DENND5B: variants seen among roughly 807,000 people sequenced by gnomAD.
The protein encoded by DENND5B is DENN domain-containing protein 5B.
DENND5B carries 34 observed loss-of-function variants against 140.6 expected under a neutral mutation model. That is an observed-to-expected ratio of 0.24 (90% CI 0.18 to 0.32). The LOEUF (loss-of-function observed/expected upper bound fraction) is 0.32. Ranked by LOEUF, DENND5B falls within the 10% of genes least tolerant of loss-of-function variation. The pLI is 1.00. For synonymous variants in DENND5B, 551 were observed against 562.1 expected, an observed-to-expected ratio of 0.98 and a Z score of 0.28; for missense variants, 1,142 against 1,560.2, an observed-to-expected ratio of 0.73 and a Z score of 4.52.
chr12:31,443,344 G>GGATT (rs1396236134), intron 6 of DENND5B, among the ~76,000 whole-genome samples: 1 of 152,070 alleles, frequency 6.6e-6, no homozygotes, highest in Non-Finnish European at 1.5e-5. Context: ...CAAAGTGCTG[G>GGATT]GATTATAAGC....
chr12:31,536,079 C>T (rs778728412), intron 1 of DENND5B, among the ~76,000 whole-genome samples: 5 of 152,116 alleles, frequency 3.3e-5, no homozygotes, highest in Non-Finnish European at 5.9e-5. Context: ...TCATGTGAGA[C>T]GTCTTGCTCC....
intron 1 of DENND5B, among the ~76,000 whole-genome samples, chr12:31,560,182 T>C (rs1565696589): frequency 6.6e-6 from 1 of 152,150 alleles, no homozygotes; most frequent in Non-Finnish European, 1.5e-5. Flanking sequence ...CAGAATATCT[T>C]ACAGGTGTCT....
At chr12:31,389,532 G>A in intron 19 of DENND5B, 34 bp from the exon 20 acceptor site, 1 of 1,537,274 alleles carries the variant, frequency 6.5e-7, no homozygotes, top group African/African-American at 1.4e-5. Flanking sequence ...GTCACAATAT[G>A]TGTCAACACT....
chr12:31,474,571 C>T (rs1056513335), intron 3 of DENND5B, among the ~76,000 whole-genome samples: 2 of 152,196 alleles, frequency 1.3e-5, no homozygotes, highest in African/African-American at 2.4e-5. Context: ...AATTTCAAAT[C>T]AGTCTAGAAG....
intron 1 of DENND5B, among the ~76,000 whole-genome samples, chr12:31,521,188 G>A (rs562544432): frequency 3.5e-4 from 53 of 151,114 alleles, no homozygotes; most frequent in Middle Eastern, 3.4e-3. Context: ...TAAAATAGGC[G>A]TCAAAAACAA....
intron 1 of DENND5B, among the ~76,000 whole-genome samples, chr12:31,557,814 C>CAAAAAAAAAAAAAAAAAAAAAAAAA (rs71445804): frequency 1.2e-5 from 1 of 80,978 alleles, no homozygotes; most frequent in Non-Finnish European, 2.4e-5. Context: ...GCTGTGGTGG[C>CAAAAAAAAAAAAAAAAAAAAAAAAA]AAAAAAAAAA....
At chr12:31,579,447 A>G (rs1319823691) in intron 1 of DENND5B, among the ~76,000 whole-genome samples, 3 of 152,006 alleles carry the variant, frequency 2.0e-5, no homozygotes, top group Non-Finnish European at 4.4e-5. Flanking sequence ...GATCACCTGA[A>G]GCCAGGAGTT....
At chr12:31,440,354 C>A (rs1438107272) in intron 7 of DENND5B, among the ~76,000 whole-genome samples, 2 of 152,094 alleles carry the variant, frequency 1.3e-5, no homozygotes, top group Non-Finnish European at 2.9e-5. Flanking sequence ...CATCTTAGCA[C>A]ATTTTTTAAG....
At position 31,387,872 on chromosome 12, in the gene DENND5B, G is replaced by A. The variant is rs577440268; in HGVS notation, c.3642-86C>T. Reference sequence around the variant, plus strand: ...ACAGTGGAGTCTGTATGAATGGGAAGGTGTGGGACTTGATGGTACAAAATG... The same window carrying A: ...ACAGTGGAGTCTGTATGAATGGGAAAGTGTGGGACTTGATGGTACAAAATG... On this transcript the variant is annotated intron_variant, in intron 20 of 20. Transcript: ENST00000389082. The A allele has an allele frequency of 6.5e-5, 89 of 1,374,490 alleles. No homozygotes were observed. In the East Asian group the frequency reaches 1.4e-3, roughly 21 times the overall value. The allele number at this position is 1,374,490 out of a possible 1,614,324, so 85.1% of individuals were successfully genotyped here.
intron 1 of DENND5B, among the ~76,000 whole-genome samples, chr12:31,545,867 G>A (rs1212389631): frequency 7.1e-6 from 1 of 141,508 alleles, no homozygotes; most frequent in African/African-American, 2.6e-5. Flanking sequence ...GCTGAGGTGG[G>A]AGGATCACTC....
intron 1 of DENND5B, among the ~76,000 whole-genome samples, chr12:31,502,112 C>A (rs531174036): frequency 6.6e-6 from 1 of 151,858 alleles, no homozygotes; most frequent in Non-Finnish European, 1.5e-5. Flanking sequence ...GTCAGGAGTT[C>A]GAGACCAGCC....
intron 1 of DENND5B, among the ~76,000 whole-genome samples, chr12:31,556,102 C>T (rs573291082): frequency 3.7e-4 from 57 of 152,354 alleles, no homozygotes; most frequent in South Asian, 3.1e-3. Context: ...GAGATGAACC[C>T]GGTACCTCAG....
intron 1 of DENND5B, among the ~76,000 whole-genome samples, chr12:31,563,796 T>C (rs1261453013): frequency 1.3e-5 from 2 of 152,234 alleles, no homozygotes; most frequent in African/African-American, 2.4e-5. Context: ...TTTAATCATA[T>C]GCTCTCTAAA....
intron 3 of DENND5B, among the ~76,000 whole-genome samples, chr12:31,466,263 G>A (rs937222751): frequency 1.3e-5 from 2 of 151,936 alleles, no homozygotes; most frequent in African/African-American, 4.8e-5. Flanking sequence ...TGAAGTAGGA[G>A]AACCACTTGA....
intron 1 of DENND5B, among the ~76,000 whole-genome samples, chr12:31,504,858 A>G (rs1947132810): frequency 1.3e-5 from 2 of 152,224 alleles, no homozygotes; most frequent in Non-Finnish European, 2.9e-5. Flanking sequence ...GGGTCAAGGC[A>G]CACAATCTAT....
At chr12:31,502,337 AAC>A (rs1947042314) in intron 1 of DENND5B, among the ~76,000 whole-genome samples, 1 of 151,876 alleles carries the variant, frequency 6.6e-6, no homozygotes, top group African/African-American at 2.4e-5. Flanking sequence ...AAACAAAAAA[AAC>A]ATTATATTCA....
chr12:31,500,721 CA>C (rs1483218010), intron 1 of DENND5B: 2 of 165,980 alleles, frequency 1.2e-5, no homozygotes, highest in Non-Finnish European at 2.6e-5. Context: ...CCAACCACTG[CA>C]TATTGATTAG....
intron 1 of DENND5B, among the ~76,000 whole-genome samples, chr12:31,548,811 T>C (rs1948944542): frequency 6.6e-6 from 1 of 152,198 alleles, no homozygotes; most frequent in African/African-American, 2.4e-5. Flanking sequence ...ACAGTCCCCA[T>C]ATGCAGAGAA....
intron 1 of DENND5B, among the ~76,000 whole-genome samples, chr12:31,529,271 G>GA (rs1948200059): frequency 6.6e-6 from 1 of 151,930 alleles, no homozygotes; most frequent in Non-Finnish European, 1.5e-5. Context: ...TGACAGGGCA[G>GA]AAAAAAACTA....
Sources: gnomAD v4.1 joint callset for allele counts (sites outside exome capture counted in the v4.1 genomes callset) on GRCh38, gnomAD v4.1.1 for gene constraint, MANE v1.5 for transcripts, NCBI Gene and HGNC (gene_info 2026-07-23, HGNC 2026-07-21) for gene names.